Variants in SH3D19 observed in about 807,000 individuals in gnomAD.
SH3D19 encodes SH3 domain containing 19.
SH3D19 carries 58 observed loss-of-function variants against 112.1 expected under a neutral mutation model. That is an observed-to-expected ratio of 0.52 (90% CI 0.42 to 0.64). The LOEUF (loss-of-function observed/expected upper bound fraction) is 0.64. Ranked by LOEUF, SH3D19 falls within the 30% of genes least tolerant of loss-of-function variation. The probability of loss-of-function intolerance (pLI) is 0.00; values close to 1 mark genes in which losing one functional copy is unlikely to be tolerated. For synonymous variants in SH3D19, 391 were observed against 448.5 expected, an observed-to-expected ratio of 0.87 and a Z score of 1.62; for missense variants, 1,090 against 1,263.4, an observed-to-expected ratio of 0.86 and a Z score of 2.08.
chr4:151,321,752 G>A (rs2126411154), intron 1 of SH3D19, among the ~76,000 whole-genome samples: 1 of 152,322 alleles, frequency 6.6e-6, no homozygotes, highest in South Asian at 2.1e-4. Flanking sequence ...ATCTGGGAAT[G>A]TGTCAAAAAT....
rs1009283438 is a variant in SH3D19, at chr4:151,267,242, G to A, written c.113-41156C>T. Among the ~76,000 whole-genome samples, 4 of 152,110 alleles carry A rather than the reference G, an allele frequency of 2.6e-5. No individual in the cohort carries two copies. The East Asian group carries it at 7.7e-4, about 29-fold the overall frequency. ...CCCAGCTACTCATGAGGCTGAGGTG[G>A]GAGGATTGATTAAGCCTGGGAGGTC... On this transcript the variant is annotated intron_variant, in intron 1 of 19. Transcript: ENST00000604030.
chr4:151,244,284 T>G (rs1770774063), intron 1 of SH3D19, among the ~76,000 whole-genome samples: 1 of 152,210 alleles, frequency 6.6e-6, no homozygotes, highest in Non-Finnish European at 1.5e-5. Context: ...TTGTTTTGTT[T>G]GGTTCAAAGA....
chr4:151,215,857 G>A (rs1416938638), intron 2 of SH3D19, among the ~76,000 whole-genome samples: 1 of 150,406 alleles, frequency 6.6e-6, no homozygotes, highest in Non-Finnish European at 1.5e-5. Flanking sequence ...ACGGAGTCTT[G>A]CTCTGTTGCC....
At chr4:151,260,611 G>A (rs1772300388) in intron 1 of SH3D19, among the ~76,000 whole-genome samples, 1 of 152,178 alleles carries the variant, frequency 6.6e-6, no homozygotes, top group South Asian at 2.1e-4. Flanking sequence ...ACTTTTTAAA[G>A]TTAGAGGTGA....
At chr4:151,284,163 C>T (rs1363351336) in intron 1 of SH3D19, among the ~76,000 whole-genome samples, 2 of 152,190 alleles carry the variant, frequency 1.3e-5, no homozygotes, top group Non-Finnish European at 2.9e-5. Flanking sequence ...TCTTCAAAAA[C>T]TATTCTGCCT....
At chr4:151,288,463 T>C (rs1775027155) in intron 1 of SH3D19, among the ~76,000 whole-genome samples, 1 of 152,274 alleles carries the variant, frequency 6.6e-6, no homozygotes, top group African/African-American at 2.4e-5. Flanking sequence ...AAAGCAACTG[T>C]AGGCTGGGGG....
At chr4:151,144,365 G>A (rs187854136) in intron 11 of SH3D19, 2 of 1,336,834 alleles carry the variant, frequency 1.5e-6, no homozygotes, top group Admixed American at 1.7e-5. Context: ...TAGGAATTTG[G>A]CATGTGTGTG....
At chr4:151,314,349 T>G (rs1729785014) in intron 1 of SH3D19, among the ~76,000 whole-genome samples, 1 of 152,232 alleles carries the variant, frequency 6.6e-6, no homozygotes, top group Non-Finnish European at 1.5e-5. Context: ...TGCCCAAGGA[T>G]GGCCACAACC....
At chr4:151,263,659 C>T (rs1772547762) in intron 1 of SH3D19, among the ~76,000 whole-genome samples, 1 of 152,206 alleles carries the variant, frequency 6.6e-6, no homozygotes, top group African/African-American at 2.4e-5. Flanking sequence ...GGATCAGCTT[C>T]CAAGCTCACT....
chr4:151,243,745 GAAAAGCTGGACA>G (rs1561395747), intron 1 of SH3D19, among the ~76,000 whole-genome samples: 1 of 152,194 alleles, frequency 6.6e-6, no homozygotes, highest in African/African-American at 2.4e-5. Flanking sequence ...ACTGTTGGGA[GAAAAGCTGGACA>G]TTCCAAAAAA....
In SH3D19 at chr4:151,232,444, C is replaced by T. The variant is rs1769685130; in HGVS notation, c.113-6358G>A. Reference sequence around the variant, plus strand: ...GATAATGCCAGTGACATTCTTAGCACCCTGTCTGTACACTTAAGCATACCA... The same window carrying T: ...GATAATGCCAGTGACATTCTTAGCATCCTGTCTGTACACTTAAGCATACCA... On this transcript the variant is annotated intron_variant, in intron 1 of 19. Transcript: ENST00000604030. Among the ~76,000 whole-genome samples the T allele has an allele frequency of 2.0e-5, 3 of 152,098 alleles. No homozygotes were observed. In the South Asian group the frequency reaches 6.2e-4, roughly 32 times the overall value.
intron 12 of SH3D19, among the ~76,000 whole-genome samples, chr4:151,142,026 A>G (rs1001887598): frequency 4.6e-5 from 7 of 152,254 alleles, no homozygotes; most frequent in African/African-American, 1.4e-4. Flanking sequence ...CAAGTGGTCC[A>G]TACAATTCAG....
At chr4:151,243,805 T>C (rs888442316) in intron 1 of SH3D19, among the ~76,000 whole-genome samples, 1 of 152,226 alleles carries the variant, frequency 6.6e-6, no homozygotes, top group African/African-American at 2.4e-5. Flanking sequence ...ATTGCTATTC[T>C]TGGATATAAG....
Position 151,143,909 on chromosome 4 carries a change from C to T in SH3D19, c.2223+1G>A, listed in dbSNP as rs370173835. 140 of 1,611,586 alleles carry T rather than the reference C, an allele frequency of 8.7e-5. No homozygotes were observed. The highest frequency in any genetic ancestry group is 5.2e-4 in the Admixed American group (31 of 59,436). On this transcript the variant is annotated splice_donor_variant, in intron 12 of 19. Coordinates refer to ENST00000604030, the MANE Select transcript of SH3D19 (RefSeq NM_001378122.1). LOFTEE classifies it high-confidence loss of function. ...GGGCTGTAACAATATTAATTCCTTACGTTTGGTCTGCTTCTAAGATGTTCA... is the reference window on the plus strand; with the variant it reads ...GGGCTGTAACAATATTAATTCCTTATGTTTGGTCTGCTTCTAAGATGTTCA...
rs1327651970 is a variant in SH3D19, at chr4:151,275,528, T to G, written c.113-49442A>C. ...ACCAAAATATCTACATTTTCTGGTC[T>G]TCCATTATTATTTGAGACAGGTTCT... On this transcript the variant is annotated intron_variant, in intron 1 of 19. Transcript: ENST00000604030. Among the ~76,000 whole-genome samples the G allele has an allele frequency of 2.0e-5, 3 of 152,278 alleles. No homozygotes were observed. The East Asian group carries it at 5.8e-4, about 29-fold the overall frequency.
intron 1 of SH3D19, among the ~76,000 whole-genome samples, chr4:151,242,575 C>T (rs72967551): frequency 0.038 from 5,813 of 151,908 alleles, 326 homozygotes; most frequent in African/African-American, 0.13. Context: ...AAACAGGTAG[C>T]GAAAGAAAGT....
Position 151,175,536 on chromosome 4 carries a change from C to T in SH3D19, c.668G>A (p.Cys223Tyr), listed in dbSNP as rs1759806471. 6 of 1,398,444 alleles carry T rather than the reference C, an allele frequency of 4.3e-6. No individual in the cohort carries two copies. The highest frequency in any genetic ancestry group is 4.6e-6 in the Non-Finnish European group (5 of 1,082,292). The allele number at this position is 1,398,444 out of a possible 1,614,324, so 86.6% of individuals were successfully genotyped here. ...TTTTGATCTTGGTTTTGGCACTGGA[C>T]ATCTTGTAGCACTGGGGTTTTCTGG... ...NCPENPSATRCPVPKPRSKSN... is the reference protein window; with the variant it reads ...NCPENPSATRYPVPKPRSKSN... The change falls in exon 7 of 20, where the codon TGT (cysteine) becomes TAT (tyrosine). Residue 223 changes from cysteine (C) to tyrosine (Y), a missense_variant. Transcript: ENST00000604030.
intron 1 of SH3D19, among the ~76,000 whole-genome samples, chr4:151,301,023 G>A (rs1050209135): frequency 6.6e-6 from 1 of 152,170 alleles, no homozygotes; most frequent in Non-Finnish European, 1.5e-5. Flanking sequence ...TAGAACCTTG[G>A]CACAGAAATA....
chr4:151,275,645 C>T (rs1459313057), intron 1 of SH3D19, among the ~76,000 whole-genome samples: 5 of 152,032 alleles, frequency 3.3e-5, no homozygotes, highest in African/African-American at 9.7e-5. Flanking sequence ...CTCAGCCTCC[C>T]GAGTAGCTGG....
Sources: allele counts gnomAD v4.1 joint callset (sites outside exome capture counted in the v4.1 genomes callset), GRCh38; gene constraint gnomAD v4.1.1; transcripts MANE v1.5; gene names NCBI Gene and HGNC (gene_info 2026-07-23, HGNC 2026-07-21).